The following DCTN6 variants were observed in gnomAD, a reference collection of about 807,000 sequenced individuals.
DCTN6 encodes the protein dynactin 6.
Under a neutral mutation model 25.8 loss-of-function variants are expected in DCTN6, and 15 were observed. The ratio of observed to expected loss-of-function variants is 0.58; its 90% confidence interval spans 0.39 to 0.89. The LOEUF (loss-of-function observed/expected upper bound fraction) is 0.89, where lower values mean the gene tolerates loss of function less well. Among genes scored for constraint, DCTN6 ranks in the 40% least tolerant of loss-of-function variants. The pLI is 0.00. For missense variants in DCTN6, 198 were observed against 237.6 expected, an observed-to-expected ratio of 0.83 and a Z score of 1.09; for synonymous variants, 64 against 78.3, an observed-to-expected ratio of 0.82 and a Z score of 0.96.
intron 1 of DCTN6, among the ~76,000 whole-genome samples, chr8:30,158,366 CA>C (rs111241158): frequency 3.3e-5 from 5 of 151,528 alleles, no homozygotes; most frequent in East Asian, 1.9e-4. Flanking sequence ...CATATTTTAA[CA>C]AAAAAAACCC....
chr8:30,157,504 G>A (rs1001617515), intron 1 of DCTN6, among the ~76,000 whole-genome samples: 1 of 152,178 alleles, frequency 6.6e-6, no homozygotes, highest in Non-Finnish European at 1.5e-5. Context: ...TGGGTCCAAT[G>A]GTACTTGTGT....
At chr8:30,166,386 G>T (rs1426715753) in intron 2 of DCTN6, among the ~76,000 whole-genome samples, 1 of 148,448 alleles carries the variant, frequency 6.7e-6, no homozygotes, top group Non-Finnish European at 1.5e-5. Context: ...GGGCTCAAGC[G>T]ATCCTCCTGC....
intron 4 of DCTN6, among the ~76,000 whole-genome samples, chr8:30,178,319 C>T (rs1249307106): frequency 4.0e-5 from 6 of 151,740 alleles, no homozygotes; most frequent in East Asian, 1.9e-4. Flanking sequence ...CAAAATTAGC[C>T]GGGCGTGATG....
intron 2 of DCTN6, 81 bp from the exon 3 acceptor site, chr8:30,175,004 C>G: frequency 7.5e-7 from 1 of 1,326,908 alleles, no homozygotes. Flanking sequence ...CCAACAGCCT[C>G]ACCCATCCTC....
At chr8:30,178,470 T>TAAAAAAAAAA (rs201060800) in intron 4 of DCTN6, among the ~76,000 whole-genome samples, 5 of 79,836 alleles carry the variant, frequency 6.3e-5, no homozygotes, top group African/African-American at 2.4e-4. Flanking sequence ...TCAAAAAGAT[T>TAAAAAAAAAA]AAAAAAAAAA....
At chr8:30,183,051 G>A (rs1300787952) in intron 6 of DCTN6, 24 bp from the exon 7 acceptor site, 4 of 1,608,478 alleles carry the variant, frequency 2.5e-6, no homozygotes, top group South Asian at 2.2e-5. Flanking sequence ...CTGCCAATCG[G>A]CCTTAATTAC....
At chr8:30,167,552 C>T (rs1042411228) in intron 2 of DCTN6, among the ~76,000 whole-genome samples, 1 of 152,010 alleles carries the variant, frequency 6.6e-6, no homozygotes, top group South Asian at 2.1e-4. Context: ...AACTCCTGGC[C>T]TCAGTTGATC....
chr8:30,178,426 G>A (rs2117598167), intron 4 of DCTN6, among the ~76,000 whole-genome samples: 1 of 146,936 alleles, frequency 6.8e-6, no homozygotes, highest in African/African-American at 2.5e-5. Flanking sequence ...TCGCGCCATT[G>A]CACCCCAGCC....
At chr8:30,163,965 G>A in intron 1 of DCTN6, 146 bp from the exon 2 acceptor site, 1 of 654,664 alleles carries the variant, frequency 1.5e-6, no homozygotes, top group South Asian at 1.9e-5. Flanking sequence ...GCCTCCCAAA[G>A]TGCTAGGATT....
chr8:30,183,318 A>G lies in DCTN6; in HGVS notation c.*145A>G, dbSNP rs966586560. The G allele has an allele frequency of 3.8e-6, 2 of 526,284 alleles. No homozygotes were observed. The highest frequency in any genetic ancestry group is 2.0e-5 in the African/African-American group (1 of 51,144). The allele number at this position is 526,284 out of a possible 1,614,324, so 32.6% of individuals were successfully genotyped here. A position where few individuals can be genotyped will look rare whatever the true frequency, so the allele number is the denominator to read the frequency against. On this transcript the variant is annotated 3_prime_UTR_variant, in exon 7 of 7. Transcript: ENST00000221114. Reference sequence around the variant, plus strand: ...AATTGGGTTGAGAGGAAACTAATGGAGTTTCATTGTAACTGTCCTTTGTAA... The same window carrying G: ...AATTGGGTTGAGAGGAAACTAATGGGGTTTCATTGTAACTGTCCTTTGTAA...
chr8:30,174,816 T>C (rs1270171800), intron 2 of DCTN6, among the ~76,000 whole-genome samples: 1 of 152,198 alleles, frequency 6.6e-6, no homozygotes, highest in East Asian at 1.9e-4. Context: ...GTTTCACCGC[T>C]GAGATCACAG....
chr8:30,166,161 A>C (rs954638761), intron 2 of DCTN6, among the ~76,000 whole-genome samples: 1 of 152,198 alleles, frequency 6.6e-6, no homozygotes, highest in Non-Finnish European at 1.5e-5. Flanking sequence ...TTTGCAATGC[A>C]TTCTTCAGTT....
At chr8:30,158,184 A>T (rs1304045968) in intron 1 of DCTN6, among the ~76,000 whole-genome samples, 1 of 152,190 alleles carries the variant, frequency 6.6e-6, no homozygotes, top group East Asian at 1.9e-4. Flanking sequence ...GGCAGGGGGC[A>T]TTTGTGAGTC....
intron 4 of DCTN6, among the ~76,000 whole-genome samples, chr8:30,178,392 G>A (rs928928799): frequency 2.6e-5 from 4 of 151,592 alleles, no homozygotes; most frequent in African/African-American, 7.3e-5. Flanking sequence ...GAACCCAGGA[G>A]GCGGAGATTG....
Position 30,175,191 on chromosome 8 carries a change from G to T in DCTN6, c.194+1G>T, listed in dbSNP as rs759641254. ...AAGAACAGGCCCTTATCATAAATGC[G>T]TAAGACTCTTATACATACTGTGAAC... On this transcript the variant is annotated splice_donor_variant, in intron 3 of 6. Transcript: ENST00000221114. LOFTEE classifies it high-confidence loss of function. 1 of 1,612,018 alleles carries T rather than the reference G, an allele frequency of 6.2e-7. No individual in the cohort carries two copies. Among genetic ancestry groups the T allele is most frequent in the Non-Finnish European group, 8.5e-7 (1 of 1,178,392 alleles).
chr8:30,176,782 C>T lies in DCTN6; in HGVS notation c.195-344C>T, dbSNP rs139147540. On this transcript the variant is annotated intron_variant, in intron 3 of 6. Coordinates refer to ENST00000221114, the MANE Select transcript of DCTN6 (RefSeq NM_006571.4). Reference sequence around the variant, plus strand: ...TCACCTGAGATCAGTTCGAGACCAGCCTGGGCAACATGGTGAAACCCCATC... The same window carrying T: ...TCACCTGAGATCAGTTCGAGACCAGTCTGGGCAACATGGTGAAACCCCATC... 606 of 226,420 alleles carry T rather than the reference C, an allele frequency of 2.7e-3. 5 individuals carry two copies. The highest frequency in any genetic ancestry group is 0.013 in the African/African-American group (574 of 43,144). 14.0% of individuals were successfully genotyped at this position (226,420 alleles called of 1,614,324 possible). A position where few individuals can be genotyped will look rare whatever the true frequency, so the allele number is the denominator to read the frequency against.
rs542149490 is a variant in DCTN6, at chr8:30,177,371, T to C, written c.283+157T>C. 58 of 577,100 alleles carry C rather than the reference T, an allele frequency of 1.0e-4. 1 individual carries two copies. The South Asian group carries it at 1.3e-3, about 13-fold the overall frequency. The allele number at this position is 577,100 out of a possible 1,614,324, so 35.7% of individuals were successfully genotyped here. On this transcript the variant is annotated intron_variant, in intron 4 of 6. Coordinates refer to ENST00000221114, the MANE Select transcript of DCTN6 (RefSeq NM_006571.4). ...ATTGTCATAATTTATCTATCAAACA[T>C]ACTTACATTCACAATATATATTATA... is the stretch of plus-strand genomic sequence containing the variant.
rs1183273287 is a variant in DCTN6, at chr8:30,179,058, T to C, written c.284-350T>C. On this transcript the variant is annotated intron_variant, in intron 4 of 6. Coordinates refer to ENST00000221114, the MANE Select transcript of DCTN6 (RefSeq NM_006571.4). Reference sequence around the variant, plus strand: ...ATTCCCACTTATATACAGGAAATTCTATATATTTATATAAAGATATATCAA... The same window carrying C: ...ATTCCCACTTATATACAGGAAATTCCATATATTTATATAAAGATATATCAA... 2.6e-5 allele frequency among the ~76,000 whole-genome samples: 4 copies of C among 152,246 alleles called. 1 individual carries two copies. The highest frequency in any genetic ancestry group is 1.3e-4 in the Admixed American group (2 of 15,288).
rs879694363 is a variant in DCTN6, at chr8:30,167,293, CA to C, written c.88+3130del. Reference sequence around the variant, plus strand: ...TGGATGACAGTGTGAGACCCTGTCTCAAAAAAAAAAAATTACATAAGGAAGT... The same window carrying C: ...TGGATGACAGTGTGAGACCCTGTCTCAAAAAAAAAAATTACATAAGGAAGT... On this transcript the variant is annotated intron_variant, in intron 2 of 6. Coordinates refer to ENST00000221114, the MANE Select transcript of DCTN6 (RefSeq NM_006571.4). Among the ~76,000 whole-genome samples, 197 of 142,834 alleles carry C rather than the reference CA, an allele frequency of 1.4e-3. 1 individual carries two copies. Among genetic ancestry groups the C allele is most frequent in the African/African-American group, 3.4e-3 (133 of 39,142 alleles). 93.7% of individuals were successfully genotyped at this position (142,834 alleles called of 152,430 possible).
Sources: allele counts gnomAD v4.1 joint callset (sites outside exome capture counted in the v4.1 genomes callset), GRCh38; gene constraint gnomAD v4.1.1; transcripts MANE v1.5; gene names NCBI Gene and HGNC (gene_info 2026-07-23, HGNC 2026-07-21).